The following GRIP2 variants were observed in gnomAD, a reference collection of about 807,000 sequenced individuals.
GRIP2 encodes the protein glutamate receptor-interacting protein 2.
In GRIP2, 58 loss-of-function variants were observed where a neutral mutation model predicts 108.3. That is an observed-to-expected ratio of 0.54 (90% CI 0.43 to 0.67). The LOEUF is 0.67. Among genes scored for constraint, GRIP2 ranks in the 30% least tolerant of loss-of-function variants. GRIP2 has a pLI of 0.00. For missense variants in GRIP2, 1,278 were observed against 1,430.6 expected, an observed-to-expected ratio of 0.89 and a Z score of 1.72; for synonymous variants, 586 against 598.2, an observed-to-expected ratio of 0.98 and a Z score of 0.30.
At chr3:14,541,166 G>T (rs1460919792), upstream of GRIP2, among the ~76,000 whole-genome samples, 2 of 152,338 alleles carry the variant, frequency 1.3e-5, no homozygotes, top group Middle Eastern at 3.4e-3. Flanking sequence ...GACACCTGAG[G>T]CTCCTCCTCT....
chr3:14,535,253 G>A (rs565152185), intron 1 of GRIP2, among the ~76,000 whole-genome samples: 5 of 152,294 alleles, frequency 3.3e-5, no homozygotes, highest in African/African-American at 1.2e-4. Flanking sequence ...AGGCTTTGGA[G>A]TCAGTCCAAC....
At chr3:14,598,755 C>G in the GRIP2 span, among the ~76,000 whole-genome samples, 2 of 152,138 alleles carry the variant, frequency 1.3e-5, no homozygotes, top group Non-Finnish European at 2.9e-5. Context: ...CCTTATCATT[C>G]TCTCCCTTCC....
At chr3:14,519,391 A>T (rs918738167) in intron 9 of GRIP2, among the ~76,000 whole-genome samples, 2 of 152,104 alleles carry the variant, frequency 1.3e-5, no homozygotes, top group African/African-American at 2.4e-5. Context: ...CTTGTCCTTT[A>T]TCTCCGTCAG....
chr3:14,496,591 C>A, intron 21 of GRIP2, 31 bp from the exon 22 acceptor site: 1 of 1,579,248 alleles, frequency 6.3e-7, no homozygotes, highest in African/African-American at 1.3e-5. Flanking sequence ...CTTTCAGATG[C>A]TTGTTGGCTT....
At chr3:14,595,184 C>G in the GRIP2 span, among the ~76,000 whole-genome samples, 1 of 152,170 alleles carries the variant, frequency 6.6e-6, no homozygotes, top group Admixed American at 6.5e-5. Context: ...AGATGTGCGC[C>G]ACCACACCCA....
At chr3:14,574,676 G>C in the GRIP2 span, 19 of 631,384 alleles carry the variant, frequency 3.0e-5, no homozygotes, top group South Asian at 2.8e-4. Flanking sequence ...CCGCCAGAAA[G>C]CTGGCTGGAG....
chr3:14,584,516 G>A, the GRIP2 span, among the ~76,000 whole-genome samples: 5 of 152,162 alleles, frequency 3.3e-5, no homozygotes, highest in South Asian at 2.1e-4. Context: ...AACAACTTGC[G>A]GGGAAGGTGT....
the GRIP2 span, among the ~76,000 whole-genome samples, chr3:14,567,292 C>T: frequency 6.6e-6 from 1 of 152,134 alleles, no homozygotes; most frequent in South Asian, 2.1e-4. Context: ...AGGGAGCAGG[C>T]CCCTAAGACG....
intron 1 of GRIP2, among the ~76,000 whole-genome samples, chr3:14,528,393 TC>T (rs1694619751): frequency 6.6e-6 from 1 of 152,222 alleles, no homozygotes; most frequent in Non-Finnish European, 1.5e-5. Flanking sequence ...TTCTGTTTCA[TC>T]CAGGAATGGC....
the GRIP2 span, among the ~76,000 whole-genome samples, chr3:14,595,512 A>G: frequency 6.6e-6 from 1 of 152,110 alleles, no homozygotes; most frequent in African/African-American, 2.4e-5. Flanking sequence ...CTTGGGACAG[A>G]GCTATTTTCT....
At chr3:14,494,089 C>G (rs1031395644) in intron 23 of GRIP2, among the ~76,000 whole-genome samples, 1 of 152,246 alleles carries the variant, frequency 6.6e-6, no homozygotes. Flanking sequence ...CCCTTTCTCA[C>G]ATGAAAGAGC....
At chr3:14,571,102 C>A in the GRIP2 span, among the ~76,000 whole-genome samples, 1 of 152,064 alleles carries the variant, frequency 6.6e-6, no homozygotes, top group African/African-American at 2.4e-5. Flanking sequence ...GCCAAATGTC[C>A]CCTGGGGAAA....
chr3:14,538,313 G>C (rs1694882719), intron 1 of GRIP2, among the ~76,000 whole-genome samples: 1 of 152,200 alleles, frequency 6.6e-6, no homozygotes, highest in Non-Finnish European at 1.5e-5. Flanking sequence ...GATCCATCAG[G>C]GGTGGGCATG....
chr3:14,495,593 G>A (rs1407280478), intron 22 of GRIP2, among the ~76,000 whole-genome samples: 2 of 152,158 alleles, frequency 1.3e-5, no homozygotes, highest in East Asian at 1.9e-4. Flanking sequence ...TTTTAGTAGA[G>A]GCAGGGTTTC....
chr3:14,575,391 C>T, the GRIP2 span, among the ~76,000 whole-genome samples: 2 of 152,146 alleles, frequency 1.3e-5, no homozygotes, highest in Non-Finnish European at 2.9e-5. Flanking sequence ...GCTGAGCACA[C>T]GTGGGGTGAG....
chr3:14,597,122 C>T, the GRIP2 span, among the ~76,000 whole-genome samples: 1 of 152,138 alleles, frequency 6.6e-6, no homozygotes, highest in Non-Finnish European at 1.5e-5. Context: ...GTGCAAAGGC[C>T]CTGGGGTCCC....
At chr3:14,532,350 G>T (rs1365779470) in intron 1 of GRIP2, among the ~76,000 whole-genome samples, 1 of 152,012 alleles carries the variant, frequency 6.6e-6, no homozygotes, top group East Asian at 1.9e-4. Flanking sequence ...TCAGGACTCA[G>T]TCTGGGCCAG....
At chr3:14,597,718 A>G in the GRIP2 span, among the ~76,000 whole-genome samples, 2 of 152,212 alleles carry the variant, frequency 1.3e-5, no homozygotes, top group African/African-American at 4.8e-5. Context: ...AGCAAAAGCA[A>G]AAGAGATGAT....
At chr3:14,592,868 C>T in the GRIP2 span, among the ~76,000 whole-genome samples, 2 of 152,200 alleles carry the variant, frequency 1.3e-5, no homozygotes, top group Admixed American at 6.5e-5. Flanking sequence ...CACAATGCTG[C>T]TGCTGTCTGA....
Sources: gnomAD v4.1 joint callset for allele counts (sites outside exome capture counted in the v4.1 genomes callset) on GRCh38, gnomAD v4.1.1 for gene constraint, MANE v1.5 for transcripts, NCBI Gene and HGNC (gene_info 2026-07-23, HGNC 2026-07-21) for gene names.